Variants in ZNF69 observed in about 807,000 individuals in gnomAD.
ZNF69 encodes the protein zinc finger protein 69.
A neutral mutation model predicts 50.9 loss-of-function variants in ZNF69; 47 were observed. The observed-to-expected ratio is 0.92, with a 90% confidence interval of 0.73 to 1.18. ZNF69 has a LOEUF of 1.18. ZNF69 is among the 50% of genes most tolerant of loss of function. The pLI is 0.00. For missense variants in ZNF69, 717 were observed against 675.1 expected, an observed-to-expected ratio of 1.06 and a Z score of -0.69; for synonymous variants, 216 against 223.1, an observed-to-expected ratio of 0.97 and a Z score of 0.29.
rs1267806251 is a variant in ZNF69 at position 11,904,683 on chromosome 19, G to A, written c.286G>A (p.Asp96Asn). Reference protein sequence around the residue: ...LIEKKVNEIKDDSHCGETFTQ... With the variant: ...LIEKKVNEIKNDSHCGETFTQ... ...AGAAAAGAAAGTCAATGAAATTAAA[G>A]ATGACAGTCATTGTGGAGAAACTTT... The change falls in exon 4 of 4, where the codon GAT (aspartate) becomes AAT (asparagine). Residue 96 changes from aspartate to asparagine, a missense_variant. Asp to Asn is a conservative substitution (Grantham distance 23). Coordinates refer to ENST00000429654, the MANE Select transcript of ZNF69 (RefSeq NM_001364730.1). 1 of 1,613,480 alleles carries A rather than the reference G, an allele frequency of 6.2e-7. No individual in the cohort carries two copies.
chr19:11,891,732 T>C (rs1379397970), intron 1 of ZNF69, among the ~76,000 whole-genome samples: 1 of 152,248 alleles, frequency 6.6e-6, no homozygotes, highest in African/African-American at 2.4e-5. Flanking sequence ...GGACATTCTG[T>C]TGTTGTGGGA....
At position 11,903,628 on chromosome 19, in the gene ZNF69, T is replaced by A. The variant is rs1452096706; in HGVS notation, c.119T>A (p.Leu40Ter). The change falls in exon 2 of 4, where the codon TTG becomes TAG. Residue 40 changes from leucine (L) to a stop codon, truncating the protein, a stop_gained. Transcript: ENST00000429654. LOFTEE classifies it high-confidence loss of function. ...AACTTCACCCAGGAGGAGTGGGCTT[T>A]GCTGGATATTTCCCAGAGGAAACTC... Reference protein sequence around the residue: ...AVNFTQEEWALLDISQRKLYK... With the variant: ...AVNFTQEEWA 1 of 1,614,182 alleles carries A rather than the reference T, an allele frequency of 6.2e-7. No individual in the cohort carries two copies. The highest frequency in any genetic ancestry group is 1.7e-5 in the Admixed American group (1 of 60,008).
chr19:11,977,163 A>G, the ZNF69 span: 1 of 1,614,072 alleles, frequency 6.2e-7, no homozygotes, highest in South Asian at 1.1e-5. Flanking sequence ...TGACCTCTAT[A>G]GGTAAGGATG....
At chr19:11,961,055 G>T in the ZNF69 span, among the ~76,000 whole-genome samples, 2 of 152,190 alleles carry the variant, frequency 1.3e-5, no homozygotes, top group African/African-American at 2.4e-5. Context: ...GAGGCAGGAG[G>T]ATCCCTTGAG....
chr19:11,950,298 G>A, the ZNF69 span: 1 of 1,568,980 alleles, frequency 6.4e-7, no homozygotes, highest in Non-Finnish European at 8.6e-7. Flanking sequence ...CTGGAAGGAA[G>A]CACTATGAAT....
chr19:11,924,786 C>T, the ZNF69 span, among the ~76,000 whole-genome samples: 1 of 152,172 alleles, frequency 6.6e-6, no homozygotes, highest in African/African-American at 2.4e-5. Context: ...GACACTGAGT[C>T]TGAAATTCCC....
the ZNF69 span, chr19:11,949,384 G>A: frequency 6.2e-7 from 1 of 1,613,930 alleles, no homozygotes; most frequent in Non-Finnish European, 8.5e-7. Context: ...ATGTGGGAAA[G>A]CCTTCAGATC....
At chr19:11,975,485 C>T in the ZNF69 span, among the ~76,000 whole-genome samples, 2 of 151,892 alleles carry the variant, frequency 1.3e-5, no homozygotes, top group Admixed American at 1.3e-4. Context: ...GCAAGTTCCG[C>T]TTCCCGGGTT....
chr19:11,937,182 T>C, the ZNF69 span, among the ~76,000 whole-genome samples: 2 of 152,194 alleles, frequency 1.3e-5, no homozygotes, highest in African/African-American at 4.8e-5. Flanking sequence ...TTTTCACAAG[T>C]GTTACGTTCT....
the ZNF69 span, among the ~76,000 whole-genome samples, chr19:11,960,600 GGTTT>G: frequency 2.1e-5 from 3 of 140,744 alleles, no homozygotes; most frequent in African/African-American, 9.3e-5. Context: ...AGCAATGAGC[GGTTT>G]TTTTTTTTTT....
At chr19:11,914,749 A>T (rs935380212), downstream of ZNF69, among the ~76,000 whole-genome samples, 2 of 152,184 alleles carry the variant, frequency 1.3e-5, no homozygotes, top group African/African-American at 4.8e-5. Context: ...ACTCCCTAAG[A>T]TCAAAATCCA....
the ZNF69 span, chr19:11,925,033 AG>A: frequency 3.4e-6 from 2 of 594,596 alleles, no homozygotes; most frequent in South Asian, 1.8e-5. Flanking sequence ...GGCGGGACCT[AG>A]TATTTCATCC....
chr19:11,949,813 T>C, the ZNF69 span: 8 of 1,612,912 alleles, frequency 5.0e-6, no homozygotes, highest in South Asian at 2.2e-5. Context: ...GTGTAAGCAA[T>C]GTGGGAAAGC....
the ZNF69 span, among the ~76,000 whole-genome samples, chr19:11,928,292 A>G: frequency 2.0e-4 from 31 of 152,202 alleles, 1 homozygote; most frequent in Admixed American, 2.0e-3. Flanking sequence ...GCACCTGGCT[A>G]ACAACTTAAT....
the ZNF69 span, among the ~76,000 whole-genome samples, chr19:11,936,341 C>T: frequency 1.3e-5 from 2 of 152,158 alleles, no homozygotes; most frequent in Non-Finnish European, 2.9e-5. Context: ...ACATCCTCTC[C>T]AGCACCTGTT....
the ZNF69 span, chr19:11,925,409 C>T: frequency 7.3e-7 from 1 of 1,378,784 alleles, no homozygotes; most frequent in South Asian, 1.3e-5. Flanking sequence ...AGCAGTTCGG[C>T]CCTCGGTCCC....
At position 11,905,625 on chromosome 19, in the gene ZNF69, C is replaced by T. The variant is rs1318702304; in HGVS notation, c.1228C>T (p.His410Tyr). The change falls in exon 4 of 4, where the codon CAC (histidine) becomes TAC (tyrosine). Residue 410 changes from histidine (H) to tyrosine (Y), a missense_variant. Coordinates refer to ENST00000429654, the MANE Select transcript of ZNF69 (RefSeq NM_001364730.1). ...TTCCCTTCGTTATCATGAAAGGATTCACACTGGAGAGAAACCCTATGAGTG... is the reference window on the plus strand; with the variant it reads ...TTCCCTTCGTTATCATGAAAGGATTTACACTGGAGAGAAACCCTATGAGTG... The part of the protein sequence containing the change: ...SSSLRYHERI[H>Y]TGEKPYECKQ... The T allele has an allele frequency of 6.8e-6, 11 of 1,613,868 alleles. No homozygotes were observed. Among genetic ancestry groups the T allele is most frequent in the Non-Finnish European group, 9.3e-6 (11 of 1,180,008 alleles).
chr19:11,933,868 G>GT, the ZNF69 span, among the ~76,000 whole-genome samples: 49 of 145,402 alleles, frequency 3.4e-4, 3 homozygotes, highest in African/African-American at 1.3e-3. Flanking sequence ...AAAAAAATTT[G>GT]TTTTTGTTTT....
At chr19:11,948,278 G>C in the ZNF69 span, 94 of 1,611,788 alleles carry the variant, frequency 5.8e-5, no homozygotes, top group Non-Finnish European at 7.5e-5. Context: ...TTTTACAGGA[G>C]TCTCATAGAA....
Sources: gnomAD v4.1 joint callset for allele counts (sites outside exome capture counted in the v4.1 genomes callset) on GRCh38, gnomAD v4.1.1 for gene constraint, MANE v1.5 for transcripts, NCBI Gene and HGNC (gene_info 2026-07-23, HGNC 2026-07-21) for gene names.